Variants in ROBO1 observed in about 807,000 individuals in gnomAD.
ROBO1 encodes roundabout guidance receptor 1.
ROBO1 carries 149 observed loss-of-function variants against 195.9 expected under a neutral mutation model. The observed-to-expected ratio is 0.76, with a 90% CI of 0.67 to 0.87. The LOEUF (loss-of-function observed/expected upper bound fraction) is 0.87, where lower values mean the gene tolerates loss of function less well. Among genes scored for constraint, ROBO1 ranks in the 40% least tolerant of loss-of-function variants. The probability of loss-of-function intolerance (pLI) is 0.00; values close to 1 mark genes in which losing one functional copy is unlikely to be tolerated. For missense variants in ROBO1, 1,933 were observed against 2,068.3 expected (o/e 0.93, Z 1.27); for synonymous variants, 816 against 733.2 (o/e 1.11, Z -1.82).
intron 14 of ROBO1, among the ~76,000 whole-genome samples, chr3:78,667,108 T>G (rs1251580767): frequency 6.6e-6 from 1 of 152,114 alleles, no homozygotes; most frequent in African/African-American, 2.4e-5. Context: ...TTGATTAGGG[T>G]TGTAATCTAA....
intron 1 of ROBO1, among the ~76,000 whole-genome samples, chr3:79,704,098 T>C (rs1212564977): frequency 6.6e-6 from 1 of 151,930 alleles, no homozygotes; most frequent in African/African-American, 2.4e-5. Context: ...AACAGCAATA[T>C]TGAGACAAGG....
At chr3:79,538,905 T>A (rs1020411347) in intron 2 of ROBO1, among the ~76,000 whole-genome samples, 1 of 152,160 alleles carries the variant, frequency 6.6e-6, no homozygotes, top group Non-Finnish European at 1.5e-5. Flanking sequence ...TTGGAACTCA[T>A]GTTAAGATAC....
intron 2 of ROBO1, among the ~76,000 whole-genome samples, chr3:79,321,535 C>T (rs534815497): frequency 2.0e-5 from 3 of 152,152 alleles, no homozygotes; most frequent in Non-Finnish European, 4.4e-5. Context: ...TTTTCCTCTT[C>T]GTCATTTATT....
chr3:78,872,237 C>A (rs2035594085), intron 4 of ROBO1, among the ~76,000 whole-genome samples: 1 of 152,176 alleles, frequency 6.6e-6, no homozygotes, highest in South Asian at 2.1e-4. Context: ...TCTCCTCAAC[C>A]CATCCTCCAC....
intron 28 of ROBO1, among the ~76,000 whole-genome samples, chr3:78,612,320 A>T (rs1228603144): frequency 1.3e-5 from 2 of 152,156 alleles, no homozygotes; most frequent in African/African-American, 2.4e-5. Context: ...AAATATGTTC[A>T]ATTCACATTT....
chr3:78,851,850 GTTAA>G (rs1175706040), intron 4 of ROBO1, among the ~76,000 whole-genome samples: 2 of 151,628 alleles, frequency 1.3e-5, no homozygotes, highest in African/African-American at 4.8e-5. Flanking sequence ...ATTTCTTTAG[GTTAA>G]TTCTCTTCAT....
chr3:79,632,098 C>T (rs928008240), intron 1 of ROBO1, among the ~76,000 whole-genome samples: 2 of 152,080 alleles, frequency 1.3e-5, no homozygotes, highest in African/African-American at 2.4e-5. Flanking sequence ...GAAAATAAAA[C>T]TACCATTCGA....
At chr3:79,099,045 T>C (rs962320426) in intron 3 of ROBO1, among the ~76,000 whole-genome samples, 9 of 151,794 alleles carry the variant, frequency 5.9e-5, no homozygotes, top group South Asian at 2.1e-4. Flanking sequence ...AATTTTTTTA[T>C]ATGACAAAAA....
chr3:79,243,366 T>G (rs374993550), intron 2 of ROBO1, among the ~76,000 whole-genome samples: 11 of 152,068 alleles, frequency 7.2e-5, no homozygotes, highest in Admixed American at 2.0e-4. Context: ...GGATGGCTGG[T>G]TCAAATGGTA....
chr3:78,920,139 A>C (rs1034909276), intron 4 of ROBO1, among the ~76,000 whole-genome samples: 48 of 152,348 alleles, frequency 3.2e-4, no homozygotes, highest in African/African-American at 1.1e-3. Flanking sequence ...TCCCAAAGGA[A>C]ATAAAATATA....
At chr3:79,310,127 A>T (rs779580492) in intron 2 of ROBO1, among the ~76,000 whole-genome samples, 16 of 152,078 alleles carry the variant, frequency 1.1e-4, no homozygotes, top group Admixed American at 2.0e-4. Flanking sequence ...TTGCAATTAG[A>T]TCCTAATTAT....
chr3:79,199,260 AT>A (rs1195796175), intron 2 of ROBO1, among the ~76,000 whole-genome samples: 1 of 151,988 alleles, frequency 6.6e-6, no homozygotes, highest in African/African-American at 2.4e-5. Flanking sequence ...GCATTGAGAT[AT>A]TACAACATGC....
At chr3:79,522,045 T>C (rs932056803) in intron 2 of ROBO1, among the ~76,000 whole-genome samples, 65 of 152,336 alleles carry the variant, frequency 4.3e-4, no homozygotes, top group Non-Finnish European at 6.0e-4. Context: ...GTCAAATATA[T>C]GAAGTTAATA....
At chr3:79,208,452 G>A (rs2081911166) in intron 2 of ROBO1, among the ~76,000 whole-genome samples, 1 of 152,174 alleles carries the variant, frequency 6.6e-6, no homozygotes, top group African/African-American at 2.4e-5. Context: ...AAAATGGTTG[G>A]ATAGGCTTGA....
intron 3 of ROBO1, among the ~76,000 whole-genome samples, chr3:79,023,170 A>G (rs6548607): frequency 0.99 from 151,007 of 152,304 alleles, 74,868 homozygotes; most frequent in East Asian, 1. Flanking sequence ...GACACATGCA[A>G]TGCACACCAA....
rs564510669 is a variant in ROBO1, at chr3:79,743,316, T to A, written c.-51+24436A>T. On this transcript the variant is annotated intron_variant, in intron 1 of 30. Coordinates refer to ENST00000464233, the MANE Select transcript of ROBO1 (RefSeq NM_002941.4). Reference sequence around the variant, plus strand: ...TGCAATTGTTACACAATGGTATTTGTGTATATAAACATATCTAAACATAGA... The same window carrying A: ...TGCAATTGTTACACAATGGTATTTGAGTATATAAACATATCTAAACATAGA... Among the ~76,000 whole-genome samples, 178 of 152,328 alleles carry A rather than the reference T, an allele frequency of 1.2e-3. 1 individual carries two copies. Among genetic ancestry groups the A allele is most frequent in the African/African-American group, 4.1e-3 (171 of 41,574 alleles).
intron 2 of ROBO1, among the ~76,000 whole-genome samples, chr3:79,401,572 A>T (rs547444542): frequency 6.6e-6 from 1 of 151,858 alleles, no homozygotes; most frequent in Admixed American, 6.6e-5. Context: ...AAGCATTTTA[A>T]TTAAGTTTTT....
chr3:79,067,952 A>G (rs1412226532), intron 3 of ROBO1, among the ~76,000 whole-genome samples: 1 of 151,844 alleles, frequency 6.6e-6, no homozygotes, highest in Non-Finnish European at 1.5e-5. Context: ...TGTTGGCCAC[A>G]GGTTTTGTTT....
chr3:79,181,080 C>G (rs2081332150), intron 2 of ROBO1, among the ~76,000 whole-genome samples: 1 of 152,096 alleles, frequency 6.6e-6, no homozygotes, highest in Admixed American at 6.6e-5. Context: ...CTTTCCAAGC[C>G]ATCTGTCTCT....
Sources: allele counts gnomAD v4.1 joint callset (sites outside exome capture counted in the v4.1 genomes callset), GRCh38; gene constraint gnomAD v4.1.1; transcripts MANE v1.5; gene names NCBI Gene and HGNC (gene_info 2026-07-23, HGNC 2026-07-21).